Variants in PTPN13 observed in about 807,000 individuals in gnomAD.
The protein encoded by PTPN13 is protein tyrosine phosphatase non-receptor type 13, also known as tyrosine-protein phosphatase non-receptor type 13.
A neutral mutation model predicts 284.0 loss-of-function variants in PTPN13; 191 were observed. The ratio of observed to expected loss-of-function variants is 0.67; its 90% CI spans 0.60 to 0.76. The LOEUF (loss-of-function observed/expected upper bound fraction) is 0.76, where lower values mean the gene tolerates loss of function less well. Ranked by LOEUF, PTPN13 falls within the 30% of genes least tolerant of loss-of-function variation. The pLI is 0.00. For missense variants in PTPN13, 2,797 were observed against 2,939.9 expected (o/e 0.95, Z 1.12); for synonymous variants, 986 against 1,022.3 (o/e 0.96, Z 0.68).
chr4:86,690,783 T>G (rs999735332), intron 5 of PTPN13, among the ~76,000 whole-genome samples: 1 of 152,158 alleles, frequency 6.6e-6, no homozygotes, highest in Non-Finnish European at 1.5e-5. Flanking sequence ...ACCTATCTAA[T>G]AATTGCCCAT....
intron 1 of PTPN13, among the ~76,000 whole-genome samples, chr4:86,604,374 A>G (rs1293415024): frequency 6.6e-6 from 1 of 152,042 alleles, no homozygotes; most frequent in African/African-American, 2.4e-5. Flanking sequence ...TCCCTCTTCA[A>G]TTGTGTTACT....
chr4:86,707,919 A>T lies in PTPN13; in HGVS notation c.1195+6118A>T, dbSNP rs1731946900. On this transcript the variant is annotated intron_variant, in intron 7 of 47. Transcript: ENST00000411767. ...TCTTAAGTATTAGATTATAAATGAG[A>T]TGCAAATATATTTTGTTTCTCTGAA... Among the ~76,000 whole-genome samples, 3 of 152,318 alleles carry T rather than the reference A, an allele frequency of 2.0e-5. No homozygotes were observed. In the South Asian group the frequency reaches 6.2e-4, roughly 32 times the overall value.
At chr4:86,764,563 A>G (rs1297999105) in intron 24 of PTPN13, 30 bp from the exon 25 acceptor site, 10 of 1,377,948 alleles carry the variant, frequency 7.3e-6, no homozygotes, top group African/African-American at 1.5e-5. Context: ...GACTCTAACA[A>G]GAAATCTTTG....
intron 2 of PTPN13, among the ~76,000 whole-genome samples, chr4:86,659,645 G>A (rs557901340): frequency 5.9e-5 from 9 of 151,918 alleles, no homozygotes; most frequent in Admixed American, 1.3e-4. Flanking sequence ...GTGAAACCCC[G>A]TCTCTACTAA....
At chr4:86,703,061 G>A (rs1490356620) in intron 7 of PTPN13, among the ~76,000 whole-genome samples, 1 of 151,888 alleles carries the variant, frequency 6.6e-6, no homozygotes, top group Non-Finnish European at 1.5e-5. Flanking sequence ...GCTTTGCATT[G>A]TTTTTTCAAT....
chr4:86,669,368 A>G (rs1157654510), intron 2 of PTPN13, among the ~76,000 whole-genome samples: 1 of 149,794 alleles, frequency 6.7e-6, no homozygotes, highest in African/African-American at 2.4e-5. Context: ...CAAACAACAT[A>G]TTGTATAAAA....
chr4:86,752,909 T>G, intron 19 of PTPN13, 100 bp from the exon 20 acceptor site: 2 of 777,944 alleles, frequency 2.6e-6, no homozygotes. Flanking sequence ...GTTGCTGCCT[T>G]ATTGTTCTAT....
chr4:86,653,747 T>A (rs1012850049), intron 2 of PTPN13, among the ~76,000 whole-genome samples: 21 of 152,154 alleles, frequency 1.4e-4, no homozygotes, highest in Admixed American at 1.3e-4. Context: ...AAACCTTTAT[T>A]TGTATTATTT....
At chr4:86,719,729 T>C (rs1296449190) in intron 9 of PTPN13, among the ~76,000 whole-genome samples, 1 of 152,220 alleles carries the variant, frequency 6.6e-6, no homozygotes, top group African/African-American at 2.4e-5. Flanking sequence ...TGATCAGTGA[T>C]ATGAAGCTTT....
At chr4:86,655,259 T>C (rs1014213391) in intron 2 of PTPN13, among the ~76,000 whole-genome samples, 1 of 152,214 alleles carries the variant, frequency 6.6e-6, no homozygotes, top group African/African-American at 2.4e-5. Context: ...TTAATATTGT[T>C]ATGTGTGAAT....
At chr4:86,706,470 T>C (rs1731779622) in intron 7 of PTPN13, among the ~76,000 whole-genome samples, 1 of 152,150 alleles carries the variant, frequency 6.6e-6, no homozygotes, top group South Asian at 2.1e-4. Flanking sequence ...ACTTTTGGTT[T>C]TTTCTGTATT....
At chr4:86,778,133 A>T (rs1740863808) in intron 35 of PTPN13, among the ~76,000 whole-genome samples, 1 of 152,040 alleles carries the variant, frequency 6.6e-6, no homozygotes, top group Non-Finnish European at 1.5e-5. Flanking sequence ...ACCCTCTTTT[A>T]TTAAAGTCCA....
chr4:86,646,946 T>A (rs879315880), intron 2 of PTPN13, among the ~76,000 whole-genome samples: 4 of 152,162 alleles, frequency 2.6e-5, no homozygotes, highest in Admixed American at 2.6e-4. Flanking sequence ...TTATGTTGAG[T>A]GAAGGAAGTC....
At chr4:86,675,933 A>G (rs1728227425) in intron 3 of PTPN13, among the ~76,000 whole-genome samples, 2 of 152,322 alleles carry the variant, frequency 1.3e-5, no homozygotes, top group South Asian at 2.1e-4. Context: ...TCTCTGATAA[A>G]TTAATCTTGA....
intron 2 of PTPN13, among the ~76,000 whole-genome samples, chr4:86,652,344 A>C (rs1578340936): frequency 6.6e-6 from 1 of 152,092 alleles, no homozygotes; most frequent in African/African-American, 2.4e-5. Context: ...TTATGTACTT[A>C]TTATCACTAG....
At chr4:86,602,496 C>CTG (rs34925384) in intron 1 of PTPN13, among the ~76,000 whole-genome samples, 37,966 of 151,634 alleles carry the variant, frequency 0.25, 4,806 homozygotes, top group East Asian at 0.31. Flanking sequence ...TTTTTTAACA[C>CTG]GGTACAGGTA....
At position 86,732,436 on chromosome 4, in the gene PTPN13, G is replaced by C; in HGVS notation, c.1645G>C (p.Glu549Gln). The change falls in exon 11 of 48, where the codon GAA (glutamate) becomes CAA (glutamine). Residue 549 changes from glutamate to glutamine, a missense_variant. Coordinates refer to ENST00000411767, the MANE Select transcript of PTPN13 (RefSeq NM_080683.3). ...CCCTGAGTTTGTGAAAATGACAATT[G>C]AACCATTTATATCTTTGGATTTGCC... ...FGPEFVKMTI[E>Q]PFISLDLPRS... 3 of 1,601,554 alleles carry C rather than the reference G, an allele frequency of 1.9e-6. No individual in the cohort carries two copies. Among genetic ancestry groups the C allele is most frequent in the Middle Eastern group, 1.7e-4 (1 of 6,046 alleles).
At chr4:86,788,707 A>G (rs1224853321) in intron 40 of PTPN13, among the ~76,000 whole-genome samples, 1 of 152,226 alleles carries the variant, frequency 6.6e-6, no homozygotes, top group East Asian at 1.9e-4. Flanking sequence ...TTTCAAAACC[A>G]TTCAGCTATT....
intron 2 of PTPN13, among the ~76,000 whole-genome samples, chr4:86,665,457 C>G (rs1270973411): frequency 6.6e-6 from 1 of 151,950 alleles, no homozygotes; most frequent in Non-Finnish European, 1.5e-5. Flanking sequence ...CATGTTTTAC[C>G]TAAAGTTAAT....
Sources: gnomAD v4.1 joint callset for allele counts (sites outside exome capture counted in the v4.1 genomes callset) on GRCh38, gnomAD v4.1.1 for gene constraint, MANE v1.5 for transcripts, NCBI Gene and HGNC (gene_info 2026-07-23, HGNC 2026-07-21) for gene names.